Variants in CTNND2 observed in about 807,000 individuals in gnomAD.
The protein encoded by CTNND2 is catenin delta 2.
In CTNND2, 22 loss-of-function variants were observed where a neutral mutation model predicts 144.4. The observed-to-expected ratio is 0.15, with a 90% CI of 0.11 to 0.22. The LOEUF (loss-of-function observed/expected upper bound fraction) is 0.22. CTNND2 is among the 10% of genes least tolerant of loss of function. The pLI is 1.00. For missense variants in CTNND2, 1,353 were observed against 1,618.8 expected, an observed-to-expected ratio of 0.84 and a Z score of 2.82; for synonymous variants, 751 against 695.6, an observed-to-expected ratio of 1.08 and a Z score of -1.25.
intron 12 of CTNND2, among the ~76,000 whole-genome samples, chr5:11,156,613 C>T (rs1758241310): frequency 6.6e-6 from 1 of 152,056 alleles, no homozygotes; most frequent in Non-Finnish European, 1.5e-5. Flanking sequence ...GAAAGGAGTA[C>T]TGGAAAAACA....
chr5:11,342,122 CA>C (rs1384803956), intron 9 of CTNND2, among the ~76,000 whole-genome samples: 42 of 151,954 alleles, frequency 2.8e-4, no homozygotes, highest in Non-Finnish European at 1.2e-4. Flanking sequence ...GCGTCGTGAA[CA>C]GTTAAAAAAA....
At chr5:11,051,729 C>T (rs1265976211) in intron 16 of CTNND2, among the ~76,000 whole-genome samples, 1 of 152,044 alleles carries the variant, frequency 6.6e-6, no homozygotes, top group African/African-American at 2.4e-5. Flanking sequence ...GCATGAATAT[C>T]CACCAACTAT....
At chr5:11,849,427 C>G (rs1174212961) in intron 1 of CTNND2, among the ~76,000 whole-genome samples, 1 of 152,122 alleles carries the variant, frequency 6.6e-6, no homozygotes. Flanking sequence ...GGGGACGGAG[C>G]AAACCTCTAG....
At chr5:11,273,961 G>A (rs755488049) in intron 9 of CTNND2, among the ~76,000 whole-genome samples, 1 of 152,116 alleles carries the variant, frequency 6.6e-6, no homozygotes, top group Non-Finnish European at 1.5e-5. Flanking sequence ...AGATTTCCTG[G>A]GGCGGCCAGG....
At chr5:11,647,037 C>T (rs1040247798) in intron 2 of CTNND2, among the ~76,000 whole-genome samples, 1 of 152,222 alleles carries the variant, frequency 6.6e-6, no homozygotes, top group Non-Finnish European at 1.5e-5. Context: ...CCTTCCAGCA[C>T]TTTCAGTACA....
intron 9 of CTNND2, among the ~76,000 whole-genome samples, chr5:11,325,288 T>C (rs930225344): frequency 2.3e-4 from 35 of 152,056 alleles, no homozygotes; most frequent in Admixed American, 3.3e-4. Context: ...CCAACACACA[T>C]ATATATATAA....
chr5:11,441,213 T>C (rs181568767), intron 3 of CTNND2, among the ~76,000 whole-genome samples: 1 of 152,306 alleles, frequency 6.6e-6, no homozygotes, highest in Admixed American at 6.5e-5. Context: ...CATGATATTT[T>C]AGAATTTTTC....
chr5:11,605,350 A>G (rs1779993961), intron 2 of CTNND2, among the ~76,000 whole-genome samples: 1 of 152,244 alleles, frequency 6.6e-6, no homozygotes, highest in South Asian at 2.1e-4. Flanking sequence ...CTTACATTCT[A>G]ATGAAGCATC....
intron 1 of CTNND2, among the ~76,000 whole-genome samples, chr5:11,855,762 AT>A (rs746455801): frequency 6.4e-4 from 98 of 152,278 alleles, no homozygotes; most frequent in South Asian, 1.0e-3. Flanking sequence ...AGATATGTGC[AT>A]TCTTAGGCCT....
chr5:11,163,399 T>G (rs1459772594), intron 11 of CTNND2, among the ~76,000 whole-genome samples: 1 of 152,232 alleles, frequency 6.6e-6, no homozygotes, highest in African/African-American at 2.4e-5. Flanking sequence ...TGCAGCCTCA[T>G]GACAGACCCT....
intron 17 of CTNND2, among the ~76,000 whole-genome samples, chr5:11,018,775 A>T (rs912677345): frequency 7.1e-6 from 1 of 141,772 alleles, no homozygotes; most frequent in Non-Finnish European, 1.5e-5. Context: ...CAGTGGCGAG[A>T]TCTTGGCTCA....
chr5:11,741,521 G>T (rs1788005446), intron 1 of CTNND2, among the ~76,000 whole-genome samples: 1 of 151,810 alleles, frequency 6.6e-6, no homozygotes, highest in Admixed American at 6.6e-5. Context: ...TGAACAATGA[G>T]AACACATGGA....
chr5:11,397,888 C>G (rs868420692), intron 5 of CTNND2, among the ~76,000 whole-genome samples: 1 of 152,174 alleles, frequency 6.6e-6, no homozygotes, highest in African/African-American at 2.4e-5. Context: ...TCTGGTCTTA[C>G]TTAATTATAC....
chr5:11,042,795 CTG>C lies in CTNND2; in HGVS notation c.2789-19818_2789-19817del, dbSNP rs145799219. ...AAATAGACCCAAGAAGGCAGCAAGCCTGGTGTGGCTTGGGGTGGTTGGACCAT... is the reference window on the plus strand; with the variant it reads ...AAATAGACCCAAGAAGGCAGCAAGCCGTGTGGCTTGGGGTGGTTGGACCAT... On this transcript the variant is annotated intron_variant, in intron 16 of 21. Transcript: ENST00000304623. 3.3e-3 allele frequency among the ~76,000 whole-genome samples: 508 copies of C among 152,280 alleles called. 3 individuals are homozygous for C. Among genetic ancestry groups the C allele is most frequent in the South Asian group, 0.014 (67 of 4,826 alleles).
At chr5:11,065,692 A>G (rs997449010) in intron 16 of CTNND2, among the ~76,000 whole-genome samples, 2 of 152,196 alleles carry the variant, frequency 1.3e-5, no homozygotes, top group Non-Finnish European at 2.9e-5. Context: ...ATAAATTCTC[A>G]TCAGATGGGT....
intron 2 of CTNND2, among the ~76,000 whole-genome samples, chr5:11,686,161 G>A (rs185205192): frequency 3.3e-5 from 5 of 151,734 alleles, no homozygotes; most frequent in Admixed American, 6.6e-5. Context: ...AACCAAGATC[G>A]TGCCACTGCA....
chr5:11,059,162 G>A (rs1316333698), intron 16 of CTNND2, among the ~76,000 whole-genome samples: 2 of 152,128 alleles, frequency 1.3e-5, no homozygotes, highest in Non-Finnish European at 2.9e-5. Flanking sequence ...GAAATGTGAG[G>A]ATATGAGATT....
At position 11,077,079 on chromosome 5, in the gene CTNND2, T is replaced by C. The variant is rs534315447; in HGVS notation, c.2788+5617A>G. Among the ~76,000 whole-genome samples the C allele has an allele frequency of 2.6e-5, 4 of 152,202 alleles. 1 individual carries two copies. Among genetic ancestry groups the C allele is most frequent in the African/African-American group, 9.6e-5 (4 of 41,510 alleles). ...CCTTAATGTTTTGCTGACTTGGAGG[T>C]CATTTTAAGATGACGACAAGCAGGA... On this transcript the variant is annotated intron_variant, in intron 16 of 21. Coordinates refer to ENST00000304623, the MANE Select transcript of CTNND2 (RefSeq NM_001332.4).
At chr5:11,434,276 T>C (rs1359211285) in intron 3 of CTNND2, among the ~76,000 whole-genome samples, 1 of 152,122 alleles carries the variant, frequency 6.6e-6, no homozygotes, top group Non-Finnish European at 1.5e-5. Context: ...CGAGCAAAAC[T>C]AATCCATGGT....
Sources: allele counts gnomAD v4.1 joint callset (sites outside exome capture counted in the v4.1 genomes callset), GRCh38; gene constraint gnomAD v4.1.1; transcripts MANE v1.5; gene names NCBI Gene and HGNC (gene_info 2026-07-23, HGNC 2026-07-21).